COL6A2: variants seen among roughly 807,000 people sequenced by gnomAD.
The protein encoded by COL6A2 is collagen type VI alpha 2 chain, also known as collagen alpha-2(VI) chain.
COL6A2 carries 90 observed loss-of-function variants against 124.9 expected under a neutral mutation model. That is an observed-to-expected ratio of 0.72 (90% confidence interval 0.61 to 0.86). The LOEUF (loss-of-function observed/expected upper bound fraction) is 0.86, where lower values mean the gene tolerates loss of function less well. COL6A2 is among the 40% of genes least tolerant of loss of function. The pLI, the probability that COL6A2 is intolerant of heterozygous loss-of-function variation, is 0.00. For missense variants in COL6A2, 1,607 were observed against 1,502.5 expected (o/e 1.07, Z -1.15); for synonymous variants, 793 against 618.2 (o/e 1.28, Z -4.19).
rs955866919 is a variant in COL6A2 at position 46,116,522 on chromosome 21, G to A, written c.927+119G>A. 4.8e-5 allele frequency: 76 copies of A among 1,577,938 alleles called. 1 individual carries two copies. The East Asian group carries it at 1.6e-3, about 34-fold the overall frequency. On this transcript the variant is annotated intron_variant, in intron 8 of 27. Coordinates refer to ENST00000300527, the MANE Select transcript of COL6A2 (RefSeq NM_001849.4). The surrounding 1 kb of genome is among the most constrained non-coding windows in gnomAD (Gnocchi z 4.6). ...GCACCGGCCTGGTCTTTTCTCAGTG[G>A]TGGCTTTGGGGGCTCCTGGGGGGTC...
Position 46,122,536 on chromosome 21 carries a change from G to C in COL6A2, c.1608+5G>C. ...CCCGGCCCACGCGGCCCCGAGGTAT[G>C]TGTGGGTCCTGGCCACCTGTGCCCA... On this transcript the variant is annotated splice_donor_5th_base_variant and intron_variant, in intron 20 of 27. Transcript: ENST00000300527. The C allele has an allele frequency of 6.2e-7, 1 of 1,612,694 alleles. No homozygotes were observed. Among genetic ancestry groups the C allele is most frequent in the South Asian group, 1.1e-5 (1 of 91,082 alleles).
intron 1 of COL6A2, among the ~76,000 whole-genome samples, chr21:46,104,095 GA>G (rs34088241): frequency 6.6e-5 from 10 of 151,920 alleles, no homozygotes; most frequent in Middle Eastern, 3.4e-3. Context: ...ATAAAAACAA[GA>G]AAAACCAGCA....
At chr21:46,110,860 G>A (rs2078388728) in intron 1 of COL6A2, among the ~76,000 whole-genome samples, 1 of 46,970 alleles carries the variant, frequency 2.1e-5, no homozygotes. Context: ...GGACGTTCAA[G>A]GGCTGGATCT....
intron 4 of COL6A2, 126 bp downstream of exon 4, chr21:46,112,950 C>T: frequency 8.2e-7 from 1 of 1,214,672 alleles, no homozygotes; most frequent in Non-Finnish European, 1.2e-6. Context: ...GTCACCTGCT[C>T]CATGTTGGAC....
At chr21:46,104,276 A>G (rs2078315753) in intron 1 of COL6A2, among the ~76,000 whole-genome samples, 2 of 152,220 alleles carry the variant, frequency 1.3e-5, no homozygotes, top group African/African-American at 4.8e-5. Context: ...ACTAAGGGAA[A>G]ATGTGGAGAA....
chr21:46,121,246 T>G (rs1033948135), intron 17 of COL6A2, 123 bp downstream of exon 17: 2 of 993,920 alleles, frequency 2.0e-6, no homozygotes, highest in Admixed American at 3.9e-5. Flanking sequence ...GAGCCTGGCC[T>G]CAGAAGCCAG....
At position 46,116,775 on chromosome 21, in the gene COL6A2, C is replaced by T. The variant is rs886044473; in HGVS notation, c.960C>T (p.Ala320=). The change falls in exon 10 of 28, where the codon GCC becomes GCT. Residue 320 remains alanine, a synonymous_variant. Coordinates refer to ENST00000300527, the MANE Select transcript of COL6A2 (RefSeq NM_001849.4). The surrounding 1 kb of genome is among the most constrained non-coding windows in gnomAD (Gnocchi z 4.6). Reference sequence around the variant, plus strand: ...CCTCTTCCTTCTCTCTTCAGGGGGCCCCTGGCCTGGCTGGCAAGAACGGGA... The same window carrying T: ...CCTCTTCCTTCTCTCTTCAGGGGGCTCCTGGCCTGGCTGGCAAGAACGGGA... The part of the protein sequence containing the change: ...GEFGADGRKG[A]PGLAGKNGTD... The T allele has an allele frequency of 8.1e-6, 13 of 1,612,940 alleles. No individual in the cohort carries two copies. Among genetic ancestry groups the T allele is most frequent in the African/African-American group, 1.3e-5 (1 of 74,924 alleles).
At position 46,124,738 on chromosome 21, in the gene COL6A2, C is replaced by T. The variant is rs759546585; in HGVS notation, c.1734+25C>T. On this transcript the variant is annotated intron_variant, in intron 22 of 27. Coordinates refer to ENST00000300527, the MANE Select transcript of COL6A2 (RefSeq NM_001849.4). ...GGTAGGTTGGTGGCCAGTCCCCATG[C>T]CCTCCCCCCAACCTGCCAGGCCAAC... is the stretch of plus-strand genomic sequence containing the variant. 9 of 1,610,290 alleles carry T rather than the reference C, an allele frequency of 5.6e-6. No homozygotes were observed. In the Admixed American group the frequency reaches 1.3e-4, roughly 24 times the overall value.
rs544241704 is a variant in COL6A2, at chr21:46,129,130, CGAG to C, written c.2461+2596_2461+2598del. On this transcript the variant is annotated intron_variant, in intron 27 of 27. Coordinates refer to ENST00000300527, the MANE Select transcript of COL6A2 (RefSeq NM_001849.4). ...ACTCTGGCCTCGCTGAGCGGCTGCC[CGAG>C]GAGGAGCTCTAGGCCGACGCCCACC... is the stretch of plus-strand genomic sequence containing the variant. 6.1e-5 allele frequency: 98 copies of C among 1,609,104 alleles called. 1 individual carries two copies. In the South Asian group the frequency reaches 9.6e-4, roughly 16 times the overall value.
At chr21:46,131,412 T>G (rs1278210922) in intron 27 of COL6A2, among the ~76,000 whole-genome samples, 2 of 152,200 alleles carry the variant, frequency 1.3e-5, no homozygotes, top group African/African-American at 2.4e-5. Flanking sequence ...GCTGCCCCTG[T>G]GCCCACTGCT....
chr21:46,112,641 T>C (rs1456185746), intron 3 of COL6A2, 64 bp downstream of exon 3: 1 of 1,593,912 alleles, frequency 6.3e-7, no homozygotes, highest in African/African-American at 1.3e-5. Flanking sequence ...GTCCACCCAC[T>C]CCGGGCCTCA....
Position 46,116,926 on chromosome 21 carries a change from T to TAC in COL6A2, c.999+141_999+142dup, listed in dbSNP as rs59060956. 0.18 allele frequency: 110,412 copies of TAC among 611,122 alleles called. 1,684 individuals are homozygous for TAC. The highest frequency in any genetic ancestry group is 0.19 in the Non-Finnish European group (64,370 of 345,512). 37.9% of individuals were successfully genotyped at this position (611,122 alleles called of 1,614,324 possible). A position where few individuals can be genotyped will look rare whatever the true frequency, so the allele number is the denominator to read the frequency against. ...CAGCTTACACATGTGTACACACGCA[T>TAC]ACACACACACACACACACACACACA... On this transcript the variant is annotated intron_variant, in intron 10 of 27. Coordinates refer to ENST00000300527, the MANE Select transcript of COL6A2 (RefSeq NM_001849.4). This position sits in a 1 kb window ranked among gnomAD's most constrained non-coding sequence, Gnocchi z 4.6.
rs1301101966 is a variant in COL6A2, at chr21:46,112,104, C to A, written c.241C>A (p.Leu81Met). Residue 81 changes from leucine to methionine, a missense_variant, in exon 3 of 28, where the codon CTG becomes ATG. Around this residue, in one of 3 missense-constraint regions of COL6A2, gnomAD observed 342 missense variants for 381.5 expected, o/e 0.90. Transcript: ENST00000300527. Reference protein sequence around the residue: ...KQFVPQFISQLQNEFYLDQVA... With the variant: ...KQFVPQFISQMQNEFYLDQVA... ...GTTCGTGCCGCAGTTCATCAGCCAG[C>A]TGCAGAACGAGTTCTACCTGGACCA... is the stretch of plus-strand genomic sequence containing the variant. 1 of 1,613,244 alleles carries A rather than the reference C, an allele frequency of 6.2e-7. No individual in the cohort carries two copies. Among genetic ancestry groups the A allele is most frequent in the Admixed American group, 1.7e-5 (1 of 60,032 alleles).
At chr21:46,120,946 CG>C in intron 16 of COL6A2, 114 bp from the exon 17 acceptor site, 1 of 989,136 alleles carries the variant, frequency 1.0e-6, no homozygotes, top group Non-Finnish European at 1.6e-6. Context: ...TCATAGGGGC[CG>C]GGGCCAGACC....
In COL6A2 at chr21:46,118,530, C is replaced by T. The variant is rs375191653; in HGVS notation, c.1117-84C>T. 1.2e-4 allele frequency: 161 copies of T among 1,341,248 alleles called. No individual in the cohort carries two copies. In the South Asian group the frequency reaches 1.4e-3, roughly 12 times the overall value. 83.1% of individuals were successfully genotyped at this position (1,341,248 alleles called of 1,614,324 possible). On this transcript the variant is annotated intron_variant, in intron 12 of 27. Transcript: ENST00000300527. ...AGGGAGGTGCAGTCCCAAGCCCGAC[C>T]GTGGGTCCTGCCCCCGCAGCGGGCA...
Position 46,116,106 on chromosome 21 carries a change from A to G in COL6A2, c.900+53A>G. The G allele has an allele frequency of 1.3e-6, 2 of 1,533,174 alleles. No individual in the cohort carries two copies. Among genetic ancestry groups the G allele is most frequent in the Non-Finnish European group, 1.8e-6 (2 of 1,131,188 alleles). The allele number at this position is 1,533,174 out of a possible 1,614,324, so 95.0% of individuals were successfully genotyped here. On this transcript the variant is annotated intron_variant, in intron 7 of 27. Transcript: ENST00000300527. The surrounding 1 kb of genome is among the most constrained non-coding windows in gnomAD (Gnocchi z 4.6). ...TCCACCCTGAGGCCCCAGCACTGCCAGGCAGGCTCCCCCCAGCCCAGCCTC... is the reference window on the plus strand; with the variant it reads ...TCCACCCTGAGGCCCCAGCACTGCCGGGCAGGCTCCCCCCAGCCCAGCCTC...
chr21:46,129,065 C>T, intron 27 of COL6A2: 7 of 1,599,862 alleles, frequency 4.4e-6, no homozygotes, highest in Non-Finnish European at 5.9e-6. Context: ...GCTCCACCTG[C>T]ATTTCCTCTA....
chr21:46,111,360 C>A, intron 1 of COL6A2, 90 bp from the exon 2 acceptor site: 2 of 712,444 alleles, frequency 2.8e-6, no homozygotes, highest in Admixed American at 2.2e-5. Flanking sequence ...CCCCCAATCC[C>A]GCTGACCTGC....
At chr21:46,130,813 G>C (rs1395548830) in intron 27 of COL6A2, among the ~76,000 whole-genome samples, 1 of 152,212 alleles carries the variant, frequency 6.6e-6, no homozygotes, top group African/African-American at 2.4e-5. Flanking sequence ...GGCCTTAACA[G>C]GGAGGCTGCC....
Sources: allele counts gnomAD v4.1 joint callset (sites outside exome capture counted in the v4.1 genomes callset), GRCh38; gene constraint gnomAD v4.1.1; regional missense constraint gnomAD v4.1.1; non-coding constraint Gnocchi (gnomAD v3.1); transcripts MANE v1.5; gene names NCBI Gene and HGNC (gene_info 2026-07-23, HGNC 2026-07-21).